PDE4D: variants seen among roughly 807,000 people sequenced by gnomAD.
PDE4D encodes the protein phosphodiesterase 4D, also known as 3',5'-cyclic-AMP phosphodiesterase 4D.
A neutral mutation model predicts 87.4 loss-of-function variants in PDE4D; 24 were observed. That is an observed-to-expected ratio of 0.27 (90% CI 0.20 to 0.39). The LOEUF is 0.39. Among genes scored for constraint, PDE4D ranks in the 10% least tolerant of loss-of-function variants. The pLI is 1.00. For synonymous variants in PDE4D, 384 were observed against 383.2 expected (o/e 1.00, Z -0.02); for missense variants, 714 against 1,041.0 (o/e 0.69, Z 4.32).
chr5:59,054,455 A>G (rs1762043998), intron 5 of PDE4D, among the ~76,000 whole-genome samples: 1 of 152,292 alleles, frequency 6.6e-6, no homozygotes, highest in East Asian at 1.9e-4. Context: ...TTTTATACCT[A>G]TATTTATTTT....
chr5:58,995,915 T>G (rs1749095014), intron 6 of PDE4D, among the ~76,000 whole-genome samples: 1 of 152,090 alleles, frequency 6.6e-6, no homozygotes, highest in Non-Finnish European at 1.5e-5. Flanking sequence ...TAGACTGGAT[T>G]AAGAAAATGT....
intron 1 of PDE4D, among the ~76,000 whole-genome samples, chr5:59,733,124 G>A (rs1487649885): frequency 6.6e-6 from 1 of 152,076 alleles, no homozygotes; most frequent in Non-Finnish European, 1.5e-5. Context: ...TTATTTACAG[G>A]ATGAAAAGGT....
chr5:59,766,319 C>T (rs530135170), intron 1 of PDE4D, among the ~76,000 whole-genome samples: 7 of 152,192 alleles, frequency 4.6e-5, no homozygotes, highest in African/African-American at 1.7e-4. Context: ...TTCTGGTTTC[C>T]ATTGCTCTCT....
intron 1 of PDE4D, among the ~76,000 whole-genome samples, chr5:60,278,875 T>A (rs1379378595): frequency 6.6e-6 from 1 of 152,204 alleles, no homozygotes; most frequent in African/African-American, 2.4e-5. Flanking sequence ...GTCAAATAAC[T>A]CTAACACCTC....
chr5:60,464,610 T>A (rs1747203300), intron 1 of PDE4D, among the ~76,000 whole-genome samples: 1 of 152,170 alleles, frequency 6.6e-6, no homozygotes, highest in Non-Finnish European at 1.5e-5. Flanking sequence ...CTGTCTCCTG[T>A]GTTATTCCCA....
intron 2 of PDE4D, among the ~76,000 whole-genome samples, chr5:60,017,694 C>T (rs1479416392): frequency 6.6e-6 from 1 of 152,148 alleles, no homozygotes; most frequent in African/African-American, 2.4e-5. Context: ...TGCAGTCTAT[C>T]ATTGGTGGGC....
At chr5:60,406,432 C>G (rs1741536475) in intron 1 of PDE4D, among the ~76,000 whole-genome samples, 1 of 152,172 alleles carries the variant, frequency 6.6e-6, no homozygotes, top group Admixed American at 6.5e-5. Flanking sequence ...TAACTCTCTT[C>G]TGTTTGAGAT....
chr5:60,368,494 A>G (rs1345169054), intron 1 of PDE4D, among the ~76,000 whole-genome samples: 1 of 152,178 alleles, frequency 6.6e-6, no homozygotes, highest in Non-Finnish European at 1.5e-5. Context: ...AGGAATTACC[A>G]TCAACACCTG....
At chr5:59,203,346 G>A (rs1747977468) in intron 2 of PDE4D, among the ~76,000 whole-genome samples, 1 of 151,964 alleles carries the variant, frequency 6.6e-6, no homozygotes, top group Non-Finnish European at 1.5e-5. Flanking sequence ...ACAAATGTTG[G>A]TGAAGACATG....
At chr5:59,368,259 C>A (rs1330938144) in intron 1 of PDE4D, among the ~76,000 whole-genome samples, 1 of 152,220 alleles carries the variant, frequency 6.6e-6, no homozygotes, top group Admixed American at 6.5e-5. Flanking sequence ...GTTCCCATGA[C>A]TTGTGAAACT....
chr5:59,141,130 TC>T (rs745928558), intron 5 of PDE4D, among the ~76,000 whole-genome samples: 53 of 152,220 alleles, frequency 3.5e-4, no homozygotes, highest in Non-Finnish European at 4.7e-4. Flanking sequence ...ATTTTAAAAT[TC>T]CTAACAAAAT....
At chr5:59,508,712 C>G (rs1457504494) in intron 1 of PDE4D, among the ~76,000 whole-genome samples, 2 of 151,572 alleles carry the variant, frequency 1.3e-5, no homozygotes, top group South Asian at 2.1e-4. Context: ...AGTAAATGAG[C>G]AAAAGACAAT....
At position 58,972,302 on chromosome 5, in the gene PDE4D, AT is replaced by A. The variant is rs931761764; in HGVS notation, c.*2361del. ...ACTACTTGGTCAAACATACGTCTTT[AT>A]TTTTTTCTTATTTGAAAGATTACCA... is the stretch of plus-strand genomic sequence containing the variant. On this transcript the variant is annotated 3_prime_UTR_variant, in exon 15 of 15. Coordinates refer to ENST00000340635, the MANE Select transcript of PDE4D (RefSeq NM_001104631.2). The A allele has an allele frequency of 2.0e-5, 3 of 152,532 alleles. No homozygotes were observed. The highest frequency in any genetic ancestry group is 4.4e-5 in the Non-Finnish European group (3 of 67,990). 9.4% of individuals were successfully genotyped at this position (152,532 alleles called of 1,614,324 possible).
chr5:59,312,360 C>G (rs147410027), intron 1 of PDE4D, among the ~76,000 whole-genome samples: 2 of 152,312 alleles, frequency 1.3e-5, no homozygotes, highest in Non-Finnish European at 2.9e-5. Context: ...AAATGACTTA[C>G]ACCTGGAAAA....
At chr5:59,062,369 T>A (rs1763255658) in intron 5 of PDE4D, among the ~76,000 whole-genome samples, 1 of 152,162 alleles carries the variant, frequency 6.6e-6, no homozygotes, top group East Asian at 1.9e-4. Context: ...CTTTTTTCCA[T>A]CAGACATCTG....
intron 1 of PDE4D, among the ~76,000 whole-genome samples, chr5:59,584,237 G>A (rs1055766145): frequency 4.6e-5 from 7 of 152,210 alleles, no homozygotes; most frequent in Admixed American, 4.6e-4. Context: ...ATAAATAAGA[G>A]GAAAACAACA....
Position 59,112,074 on chromosome 5 carries a change from T to C in PDE4D, c.808+68521A>G, listed in dbSNP as rs142461232. ...CATTGGGAATGGTATTAATGTGCGA[T>C]GCATTTAAAAAATGGGATGGTCATG... On this transcript the variant is annotated intron_variant, in intron 5 of 14. Transcript: ENST00000340635. Among the ~76,000 whole-genome samples, 3 of 152,276 alleles carry C rather than the reference T, an allele frequency of 2.0e-5. No homozygotes were observed. The East Asian group carries it at 5.8e-4, about 29-fold the overall frequency.
chr5:59,488,863 A>G (rs879749751), intron 1 of PDE4D, among the ~76,000 whole-genome samples: 16 of 152,168 alleles, frequency 1.1e-4, no homozygotes, highest in Non-Finnish European at 2.1e-4. Flanking sequence ...AGTGGGAGCA[A>G]GGCAGACGCA....
At chr5:59,400,425 C>G (rs1408407200) in intron 1 of PDE4D, among the ~76,000 whole-genome samples, 1 of 146,856 alleles carries the variant, frequency 6.8e-6, no homozygotes, top group Non-Finnish European at 1.5e-5. Context: ...GAGTTCATGT[C>G]CTTTGTAGGG....
Sources: allele counts gnomAD v4.1 joint callset (sites outside exome capture counted in the v4.1 genomes callset), GRCh38; gene constraint gnomAD v4.1.1; transcripts MANE v1.5; gene names NCBI Gene and HGNC (gene_info 2026-07-23, HGNC 2026-07-21).